Variants in PRKD1 observed in about 807,000 individuals in gnomAD.
PRKD1 encodes the protein serine/threonine-protein kinase D1.
PRKD1 carries 63 observed loss-of-function variants against 95.9 expected under a neutral mutation model. That is an observed-to-expected ratio of 0.66 (90% CI 0.54 to 0.81). PRKD1 has a LOEUF of 0.81. PRKD1 is among the 30% of genes least tolerant of loss of function. The pLI, the probability that PRKD1 is intolerant of heterozygous loss-of-function variation, is 0.00. For missense variants in PRKD1, 1,048 were observed against 1,165.3 expected (o/e 0.90, Z 1.47); for synonymous variants, 425 against 423.1 (o/e 1.00, Z -0.05).
At chr14:29,756,248 T>C (rs1219921027) in intron 1 of PRKD1, among the ~76,000 whole-genome samples, 1 of 152,200 alleles carries the variant, frequency 6.6e-6, no homozygotes, top group Non-Finnish European at 1.5e-5. Context: ...CAAACTGTTG[T>C]ACCAAGCTAT....
At chr14:29,737,522 A>G (rs901933037) in intron 1 of PRKD1, among the ~76,000 whole-genome samples, 1 of 152,088 alleles carries the variant, frequency 6.6e-6, no homozygotes, top group African/African-American at 2.4e-5. Flanking sequence ...TCCTTTCCAC[A>G]ATAATTAGTG....
intron 1 of PRKD1, among the ~76,000 whole-genome samples, chr14:29,824,976 C>T (rs1891053215): frequency 6.6e-6 from 1 of 152,082 alleles, no homozygotes; most frequent in Non-Finnish European, 1.5e-5. Flanking sequence ...AGATAATTAT[C>T]ACCTCAATAG....
At chr14:29,841,678 C>T (rs1053123444) in intron 1 of PRKD1, among the ~76,000 whole-genome samples, 3 of 152,242 alleles carry the variant, frequency 2.0e-5, no homozygotes, top group East Asian at 1.9e-4. Context: ...TTCCTGGTCT[C>T]GGGTATGTCT....
chr14:29,749,620 T>C (rs984048715), intron 1 of PRKD1, among the ~76,000 whole-genome samples: 5 of 152,208 alleles, frequency 3.3e-5, no homozygotes, highest in African/African-American at 1.2e-4. Flanking sequence ...ATGCTGGGTG[T>C]TACCTTCCTT....
intron 1 of PRKD1, among the ~76,000 whole-genome samples, chr14:29,901,910 T>G (rs1231141914): frequency 6.6e-6 from 1 of 152,186 alleles, no homozygotes; most frequent in Non-Finnish European, 1.5e-5. Context: ...TGCCAAGGAT[T>G]CCAAAGCTCT....
intron 1 of PRKD1, among the ~76,000 whole-genome samples, chr14:29,738,825 CTTT>C (rs1041496087): frequency 7.2e-6 from 1 of 138,348 alleles, no homozygotes; most frequent in Non-Finnish European, 1.6e-5. Context: ...CTCTCTCTTT[CTTT>C]TTTCTTTTTT....
intron 1 of PRKD1, among the ~76,000 whole-genome samples, chr14:29,746,744 A>C (rs1316982969): frequency 6.6e-6 from 1 of 152,202 alleles, no homozygotes; most frequent in African/African-American, 2.4e-5. Context: ...TCAGTGAACG[A>C]ATTTTCATTT....
chr14:29,888,811 T>C (rs1441783398), intron 1 of PRKD1, among the ~76,000 whole-genome samples: 1 of 152,256 alleles, frequency 6.6e-6, no homozygotes, highest in African/African-American at 2.4e-5. Context: ...TTCAAAGTCC[T>C]GAGCATTAAT....
chr14:29,599,943 C>T, intron 13 of PRKD1, 126 bp from the exon 14 acceptor site: 1 of 688,718 alleles, frequency 1.5e-6, no homozygotes, highest in Non-Finnish European at 2.2e-6. Flanking sequence ...ATTTTTAACA[C>T]CTCTACATTC....
At chr14:29,808,190 GT>G (rs1890319817) in intron 1 of PRKD1, among the ~76,000 whole-genome samples, 1 of 151,864 alleles carries the variant, frequency 6.6e-6, no homozygotes, top group Non-Finnish European at 1.5e-5. Context: ...TATCAACTAA[GT>G]TTATGTAAAA....
At chr14:29,717,416 C>A (rs1885665177) in intron 2 of PRKD1, among the ~76,000 whole-genome samples, 1 of 152,018 alleles carries the variant, frequency 6.6e-6, no homozygotes, top group East Asian at 1.9e-4. Context: ...GCAGATGGAT[C>A]AAGATTCAGG....
intron 2 of PRKD1, among the ~76,000 whole-genome samples, chr14:29,680,794 TC>T (rs1487369198): frequency 6.6e-6 from 1 of 151,770 alleles, no homozygotes; most frequent in African/African-American, 2.4e-5. Flanking sequence ...GACAAACGAG[TC>T]TTTTGAGATG....
intron 16 of PRKD1, among the ~76,000 whole-genome samples, chr14:29,582,614 G>A (rs1264085998): frequency 6.6e-6 from 1 of 152,076 alleles, no homozygotes; most frequent in East Asian, 1.9e-4. Context: ...TCCCAGCAGA[G>A]ACTGCCATGT....
At chr14:29,847,385 T>C (rs1359509317) in intron 1 of PRKD1, among the ~76,000 whole-genome samples, 2 of 152,118 alleles carry the variant, frequency 1.3e-5, no homozygotes, top group Admixed American at 6.5e-5. Flanking sequence ...ATATACAACA[T>C]GAGGTTCTTT....
intron 1 of PRKD1, among the ~76,000 whole-genome samples, chr14:29,750,217 T>C (rs1887412313): frequency 6.6e-6 from 1 of 152,226 alleles, no homozygotes; most frequent in East Asian, 1.9e-4. Context: ...AAATACTAAG[T>C]CTGCCAGAGC....
chr14:29,786,113 T>C (rs1295590233), intron 1 of PRKD1, among the ~76,000 whole-genome samples: 1 of 152,184 alleles, frequency 6.6e-6, no homozygotes, highest in Non-Finnish European at 1.5e-5. Flanking sequence ...TGCATAATTT[T>C]TGTCCATTCT....
At chr14:29,847,479 A>G (rs1462542288) in intron 1 of PRKD1, among the ~76,000 whole-genome samples, 1 of 152,170 alleles carries the variant, frequency 6.6e-6, no homozygotes, top group African/African-American at 2.4e-5. Context: ...AGGAAAGGAA[A>G]TCTTCTAATA....
chr14:29,646,744 C>G (rs147381288), intron 4 of PRKD1, among the ~76,000 whole-genome samples: 1 of 139,534 alleles, frequency 7.2e-6, no homozygotes, highest in African/African-American at 2.8e-5. Flanking sequence ...AACAAACAAA[C>G]AAAAAACGAA....
intron 1 of PRKD1, among the ~76,000 whole-genome samples, chr14:29,788,805 T>A (rs903182069): frequency 1.3e-5 from 2 of 152,156 alleles, no homozygotes; most frequent in Non-Finnish European, 2.9e-5. Flanking sequence ...CTCATTCAGA[T>A]CATGACTTCT....
Sources: gnomAD v4.1 joint callset for allele counts (sites outside exome capture counted in the v4.1 genomes callset) on GRCh38, gnomAD v4.1.1 for gene constraint, MANE v1.5 for transcripts, NCBI Gene and HGNC (gene_info 2026-07-23, HGNC 2026-07-21) for gene names.